The following ARHGAP32 variants were observed in gnomAD, a reference collection of about 807,000 sequenced individuals.
ARHGAP32 encodes rho GTPase-activating protein 32.
A neutral mutation model predicts 186.5 loss-of-function variants in ARHGAP32; 51 were observed. The observed-to-expected ratio is 0.27, with a 90% CI of 0.22 to 0.35. The LOEUF is 0.35. ARHGAP32 is among the 10% of genes least tolerant of loss of function. The pLI is 1.00. For synonymous variants in ARHGAP32, 950 were observed against 964.3 expected, an observed-to-expected ratio of 0.99 and a Z score of 0.27; for missense variants, 2,186 against 2,623.5, an observed-to-expected ratio of 0.83 and a Z score of 3.64.
intron 2 of ARHGAP32, among the ~76,000 whole-genome samples, chr11:129,127,155 G>A (rs894085281): frequency 2.6e-5 from 4 of 152,106 alleles, no homozygotes; most frequent in Non-Finnish European, 4.4e-5. Context: ...AAGAGAAAAC[G>A]AGAAAACCTG....
chr11:129,181,836 T>C (rs1286207017), intron 1 of ARHGAP32, among the ~76,000 whole-genome samples: 2 of 152,090 alleles, frequency 1.3e-5, no homozygotes, highest in African/African-American at 2.4e-5. Context: ...ATTATTCCCA[T>C]CCCTGTCTCC....
chr11:129,123,958 T>G lies in ARHGAP32; in HGVS notation c.318-29A>C. The stretch of plus-strand genomic sequence containing the variant: ...AACGCAGAATGAACATTTTTATCCT[T>G]GTCTTTCCTCTACTTACACATGAAG... On this transcript the variant is annotated intron_variant, in intron 3 of 22. Coordinates refer to ENST00000682385, the MANE Select transcript of ARHGAP32 (RefSeq NM_001378024.1). The surrounding 1 kb of genome is among the most constrained non-coding windows in gnomAD (Gnocchi z 4.6). 2 of 1,285,690 alleles carry G rather than the reference T, an allele frequency of 1.6e-6. No individual in the cohort carries two copies. Among genetic ancestry groups the G allele is most frequent in the Non-Finnish European group, 2.0e-6 (2 of 986,184 alleles). 79.6% of individuals were successfully genotyped at this position (1,285,690 alleles called of 1,614,324 possible).
intron 5 of ARHGAP32, among the ~76,000 whole-genome samples, chr11:129,099,631 G>A (rs767996931): frequency 2.0e-5 from 3 of 152,140 alleles, no homozygotes; most frequent in Admixed American, 2.0e-4. Context: ...AACCAAAAGA[G>A]AGTGGAGGTG....
chr11:129,171,760 C>T (rs1183436135), intron 1 of ARHGAP32, among the ~76,000 whole-genome samples: 1 of 152,178 alleles, frequency 6.6e-6, no homozygotes, highest in Admixed American at 6.5e-5. Context: ...TTACTTCAGG[C>T]AGTATGGCCA....
chr11:129,041,586 G>T (rs1036329243), intron 10 of ARHGAP32, among the ~76,000 whole-genome samples: 1 of 151,864 alleles, frequency 6.6e-6, no homozygotes, highest in East Asian at 1.9e-4. Flanking sequence ...AACTAGTAGC[G>T]CATGGAAAAG....
intron 5 of ARHGAP32, among the ~76,000 whole-genome samples, chr11:129,095,285 G>T (rs191721839): frequency 6.6e-6 from 1 of 152,312 alleles, no homozygotes; most frequent in Admixed American, 6.5e-5. Context: ...AGAGAAAAAA[G>T]AATCTATGTT....
At chr11:129,124,695 G>T in intron 3 of ARHGAP32, 108 bp downstream of exon 3, 2 of 776,522 alleles carry the variant, frequency 2.6e-6, no homozygotes, top group African/African-American at 1.8e-5. Flanking sequence ...CAGTTGCACA[G>T]TAACAGCATA....
At chr11:129,023,104 T>C (rs1938673354) in intron 11 of ARHGAP32, among the ~76,000 whole-genome samples, 1 of 152,028 alleles carries the variant, frequency 6.6e-6, no homozygotes, top group Non-Finnish European at 1.5e-5. Context: ...AAGTTGAACA[T>C]ACTAATCAGC....
chr11:129,008,068 T>C (rs1937878609), intron 11 of ARHGAP32, among the ~76,000 whole-genome samples: 1 of 152,074 alleles, frequency 6.6e-6, no homozygotes, highest in Non-Finnish European at 1.5e-5. Context: ...AGATTCTCTC[T>C]CTGTGCCACA....
Position 129,273,750 on chromosome 11 carries a change from T to C in ARHGAP32, c.-5+5396A>G, listed in dbSNP as rs76537162. Among the ~76,000 whole-genome samples the C allele has an allele frequency of 3.2e-3, 485 of 152,194 alleles. 3 individuals carry two copies. Among genetic ancestry groups the C allele is most frequent in the Non-Finnish European group, 5.1e-3 (344 of 68,010 alleles). On this transcript the variant is annotated intron_variant, in intron 1 of 6. Coordinates refer to the ARHGAP32 transcript ENST00000525234. ...CACACAGGGAATAAAAGCAGTGGAGTCAAATGGCTTGCTTCACATCACAAG... is the reference window on the plus strand; with the variant it reads ...CACACAGGGAATAAAAGCAGTGGAGCCAAATGGCTTGCTTCACATCACAAG...
At chr11:128,993,253 T>C (rs996895227) in intron 12 of ARHGAP32, 3 of 152,210 alleles carry the variant, frequency 2.0e-5, no homozygotes, top group African/African-American at 7.2e-5. Flanking sequence ...ATGGAATGCT[T>C]CACGAATTTG....
chr11:128,985,831 CGTGTGTGT>C (rs369790310), intron 15 of ARHGAP32, 164 bp downstream of exon 15: 9 of 115,616 alleles, frequency 7.8e-5, no homozygotes, highest in Admixed American at 2.0e-4. Context: ...TGTGTGTGTG[CGTGTGTGT>C]GTGTGTGTGT....
intron 6 of ARHGAP32, among the ~76,000 whole-genome samples, chr11:129,069,228 C>A (rs1940793407): frequency 6.6e-6 from 1 of 152,084 alleles, no homozygotes; most frequent in African/African-American, 2.4e-5. Flanking sequence ...GATTTACCAA[C>A]TCCTGAAATA....
chr11:129,140,204 C>G (rs1371602032), intron 2 of ARHGAP32, among the ~76,000 whole-genome samples: 1 of 152,050 alleles, frequency 6.6e-6, no homozygotes, highest in Admixed American at 6.6e-5. Flanking sequence ...AGTTATGCCA[C>G]CACACCTCCC....
At chr11:129,126,585 G>A (rs1461436276) in intron 2 of ARHGAP32, among the ~76,000 whole-genome samples, 1 of 151,938 alleles carries the variant, frequency 6.6e-6, no homozygotes, top group Admixed American at 6.6e-5. Flanking sequence ...ACCTTATAAT[G>A]AACAGATACA....
At chr11:129,227,651 T>C (rs989634494) in intron 1 of ARHGAP32, among the ~76,000 whole-genome samples, 2 of 151,974 alleles carry the variant, frequency 1.3e-5, no homozygotes, top group African/African-American at 2.4e-5. Context: ...AATAAGACTT[T>C]AAGAAAAAAA....
At chr11:129,273,617 C>T (rs1341340274) in intron 1 of ARHGAP32, among the ~76,000 whole-genome samples, 1 of 152,138 alleles carries the variant, frequency 6.6e-6, no homozygotes, top group Non-Finnish European at 1.5e-5. Flanking sequence ...CTGAACTTCA[C>T]ATGATATATT....
At chr11:129,155,775 G>A (rs1158465578) in intron 2 of ARHGAP32, among the ~76,000 whole-genome samples, 1 of 152,144 alleles carries the variant, frequency 6.6e-6, no homozygotes, top group African/African-American at 2.4e-5. Flanking sequence ...ACACTGGGAG[G>A]TGGCTGGCAA....
Position 129,168,570 on chromosome 11 carries a change from G to A in ARHGAP32, c.117-4143C>T, listed in dbSNP as rs540988585. On this transcript the variant is annotated intron_variant, in intron 1 of 22. Coordinates refer to ENST00000682385, the MANE Select transcript of ARHGAP32 (RefSeq NM_001378024.1). ...AAAAACAGATAAATCCACTATCACC[G>A]TTGTAGATTTTAGCAAATCCCTCTC... is the stretch of plus-strand genomic sequence containing the variant. Among the ~76,000 whole-genome samples, 108 of 152,266 alleles carry A rather than the reference G, an allele frequency of 7.1e-4. 1 individual carries two copies. The highest frequency in any genetic ancestry group is 2.3e-3 in the African/African-American group (97 of 41,540).
Sources: allele counts gnomAD v4.1 joint callset (sites outside exome capture counted in the v4.1 genomes callset), GRCh38; gene constraint gnomAD v4.1.1; non-coding constraint Gnocchi (gnomAD v3.1); transcripts MANE v1.5; gene names NCBI Gene and HGNC (gene_info 2026-07-23, HGNC 2026-07-21).